Variants in EIF4EBP1 observed in about 807,000 individuals in gnomAD.
The protein encoded by EIF4EBP1 is eukaryotic translation initiation factor 4E-binding protein 1.
In EIF4EBP1, 5 loss-of-function variants were observed where a neutral mutation model predicts 9.2. The observed-to-expected ratio is 0.54, with a 90% CI of 0.28 to 1.14. The LOEUF is 1.14. Ranked by LOEUF, EIF4EBP1 falls within the 50% of genes most tolerant of loss-of-function variation. EIF4EBP1 has a pLI of 0.09. For synonymous variants in EIF4EBP1, 62 were observed against 67.0 expected (o/e 0.93, Z 0.36); for missense variants, 139 against 169.6 (o/e 0.82, Z 1.00).
At chr8:38,057,313 C>T (rs1315081756) in intron 2 of EIF4EBP1, 53 bp downstream of exon 2, 3 of 1,526,326 alleles carry the variant, frequency 2.0e-6, no homozygotes, top group Admixed American at 2.1e-5. Context: ...ATGTATGAGG[C>T]TCCTGGAGTC....
At chr8:38,052,022 C>T (rs1809531071) in intron 1 of EIF4EBP1, among the ~76,000 whole-genome samples, 1 of 152,216 alleles carries the variant, frequency 6.6e-6, no homozygotes, top group Admixed American at 6.5e-5. Context: ...TCACTGCGCC[C>T]AGCCGTAGCC....
chr8:38,042,938 G>A (rs147055613), intron 1 of EIF4EBP1, among the ~76,000 whole-genome samples: 4 of 152,156 alleles, frequency 2.6e-5, no homozygotes, highest in Non-Finnish European at 5.9e-5. Flanking sequence ...GGTGGCAGGT[G>A]CCTATAATCT....
rs1269571854 is a variant in EIF4EBP1, at chr8:38,050,025, C to T, written c.146-7056C>T. 2.0e-5 allele frequency among the ~76,000 whole-genome samples: 3 copies of T among 151,944 alleles called. No individual in the cohort carries two copies. The East Asian group carries it at 5.8e-4, about 29-fold the overall frequency. ...CTCCTGGGTTCAAGCGGTTCTCGTG[C>T]CTCAGCCTCCTGAATAGCTGGACTA... On this transcript the variant is annotated intron_variant, in intron 1 of 2. Coordinates refer to ENST00000338825, the MANE Select transcript of EIF4EBP1 (RefSeq NM_004095.4).
intron 1 of EIF4EBP1, among the ~76,000 whole-genome samples, chr8:38,056,139 G>A (rs1028914128): frequency 3.9e-5 from 6 of 152,010 alleles, no homozygotes; most frequent in Admixed American, 1.3e-4. Context: ...CTACAGGCAC[G>A]TACCCATCAT....
Position 38,060,032 on chromosome 8 carries a change from G to C in EIF4EBP1, c.*97G>C, listed in dbSNP as rs565301877. 91 of 1,292,230 alleles carry C rather than the reference G, an allele frequency of 7.0e-5. No homozygotes were observed. In the African/African-American group the frequency reaches 1.2e-3, roughly 17 times the overall value. The allele number at this position is 1,292,230 out of a possible 1,614,324, so 80.0% of individuals were successfully genotyped here. On this transcript the variant is annotated 3_prime_UTR_variant, in exon 3 of 3. Transcript: ENST00000338825. ...GGCCTTATGAAAGTGATCATACTGG[G>C]CAGGCGTTGGCGTGGGGTCGGACAC...
chr8:38,042,679 C>G (rs1809398408), intron 1 of EIF4EBP1, among the ~76,000 whole-genome samples: 1 of 152,178 alleles, frequency 6.6e-6, no homozygotes, highest in Non-Finnish European at 1.5e-5. Context: ...CCCACCCTAA[C>G]AGCCTCATTT....
chr8:38,045,805 T>C (rs1809441228), intron 1 of EIF4EBP1, among the ~76,000 whole-genome samples: 1 of 152,054 alleles, frequency 6.6e-6, no homozygotes, highest in African/African-American at 2.4e-5. Flanking sequence ...AGTGGTAAAA[T>C]TGTAGTTCCC....
intron 2 of EIF4EBP1, among the ~76,000 whole-genome samples, chr8:38,058,464 C>T (rs1241926840): frequency 6.6e-6 from 1 of 152,144 alleles, no homozygotes; most frequent in Non-Finnish European, 1.5e-5. Context: ...CTTCATGACC[C>T]AATTACCTCT....
chr8:38,058,163 GT>G (rs1244978614), intron 2 of EIF4EBP1, among the ~76,000 whole-genome samples: 1 of 152,120 alleles, frequency 6.6e-6, no homozygotes. Context: ...GTCTTAGTCT[GT>G]TTTTTTATGG....
rs565332411 is a variant in EIF4EBP1, at chr8:38,031,395, A to C, written c.145+677A>C. 9.2e-5 allele frequency among the ~76,000 whole-genome samples: 14 copies of C among 152,260 alleles called. 1 individual carries two copies. In the South Asian group the frequency reaches 2.9e-3, roughly 32 times the overall value. On this transcript the variant is annotated intron_variant, in intron 1 of 2. Coordinates refer to ENST00000338825, the MANE Select transcript of EIF4EBP1 (RefSeq NM_004095.4). ...TGACCTCCCTGGGAGAGGATGAGGA[A>C]GAGGAAGCTGAGCTGGCACGGGTGG... is the stretch of plus-strand genomic sequence containing the variant.
At chr8:38,033,464 G>T (rs1054897815) in intron 1 of EIF4EBP1, among the ~76,000 whole-genome samples, 2 of 150,464 alleles carry the variant, frequency 1.3e-5, no homozygotes, top group African/African-American at 4.9e-5. Flanking sequence ...TCACCTTTCA[G>T]ATCTCTGGAG....
chr8:38,033,793 C>G (rs531229094), intron 1 of EIF4EBP1, among the ~76,000 whole-genome samples: 10 of 133,860 alleles, frequency 7.5e-5, no homozygotes, highest in African/African-American at 2.6e-4. Context: ...GTCGCCCAAG[C>G]TGGAGTGCAA....
chr8:38,047,774 T>G lies in EIF4EBP1; in HGVS notation c.146-9307T>G, dbSNP rs185042005. ...CACTGAGATTACAGGCATGAGCCAC[T>G]GCGCCCAGCCTGAATCACTTTTTTG... On this transcript the variant is annotated intron_variant, in intron 1 of 2. Transcript: ENST00000338825. Among the ~76,000 whole-genome samples the G allele has an allele frequency of 4.1e-3, 629 of 152,358 alleles. 6 individuals carry two copies. Among genetic ancestry groups the G allele is most frequent in the African/African-American group, 0.014 (592 of 41,590 alleles).
Position 38,060,158 on chromosome 8 carries a change from AAGGGGAGTGAC to A in EIF4EBP1, c.*224_*234del. The A allele has an allele frequency of 1.6e-6, 1 of 606,366 alleles. No individual in the cohort carries two copies. The highest frequency in any genetic ancestry group is 2.8e-5 in the East Asian group (1 of 35,476). 37.6% of individuals were successfully genotyped at this position (606,366 alleles called of 1,614,324 possible). ...CCACTGATGCAGGAGCTGCCACCCC[AAGGGGAGTGAC>A]CCCTGCCAGCACACCCTGCAGCCAA... On this transcript the variant is annotated 3_prime_UTR_variant, in exon 3 of 3. Transcript: ENST00000338825.
intron 1 of EIF4EBP1, among the ~76,000 whole-genome samples, chr8:38,039,092 A>G (rs751078462): frequency 6.6e-6 from 1 of 151,734 alleles, no homozygotes; most frequent in Non-Finnish European, 1.5e-5. Context: ...GTGTTTCTCT[A>G]TATTGGTCAG....
chr8:38,033,897 C>G (rs913511414), intron 1 of EIF4EBP1, among the ~76,000 whole-genome samples: 1 of 151,966 alleles, frequency 6.6e-6, no homozygotes, highest in African/African-American at 2.4e-5. Flanking sequence ...CAGGCGCCCG[C>G]GATCAAGCCC....
At chr8:38,048,901 G>A (rs891579703) in intron 1 of EIF4EBP1, among the ~76,000 whole-genome samples, 2 of 152,052 alleles carry the variant, frequency 1.3e-5, no homozygotes, top group Non-Finnish European at 2.9e-5. Context: ...GGCCGAGACG[G>A]GTGGATCACC....
intron 1 of EIF4EBP1, among the ~76,000 whole-genome samples, chr8:38,053,701 A>G (rs540232747): frequency 9.2e-5 from 14 of 152,232 alleles, no homozygotes; most frequent in Non-Finnish European, 1.6e-4. Context: ...CACACTCTCA[A>G]TGGGATATTA....
At chr8:38,049,865 C>G (rs1025025806) in intron 1 of EIF4EBP1, among the ~76,000 whole-genome samples, 1 of 151,772 alleles carries the variant, frequency 6.6e-6, no homozygotes, top group African/African-American at 2.4e-5. Flanking sequence ...TATTGGACCC[C>G]TAATTTATTA....
Sources: allele counts gnomAD v4.1 joint callset (sites outside exome capture counted in the v4.1 genomes callset), GRCh38; gene constraint gnomAD v4.1.1; transcripts MANE v1.5; gene names NCBI Gene and HGNC (gene_info 2026-07-23, HGNC 2026-07-21).